Variants in MYOZ2 observed in about 807,000 individuals in gnomAD.
MYOZ2 encodes myozenin-2.
MYOZ2 carries 19 observed loss-of-function variants against 25.4 expected under a neutral mutation model. That is an observed-to-expected ratio of 0.75 (90% CI 0.52 to 1.10). MYOZ2 has a LOEUF of 1.10. Ranked by LOEUF, MYOZ2 falls within the 50% of genes least tolerant of loss-of-function variation. MYOZ2 has a pLI of 0.00. For missense variants in MYOZ2, 270 were observed against 317.9 expected, an observed-to-expected ratio of 0.85 and a Z score of 1.15; for synonymous variants, 92 against 106.9, an observed-to-expected ratio of 0.86 and a Z score of 0.86.
intron 2 of MYOZ2, among the ~76,000 whole-genome samples, chr4:119,136,995 T>G (rs1741042814): frequency 6.6e-6 from 1 of 152,128 alleles, no homozygotes; most frequent in African/African-American, 2.4e-5. Flanking sequence ...ATTATATAAA[T>G]CACTCAAAAT....
intron 2 of MYOZ2, among the ~76,000 whole-genome samples, chr4:119,149,272 G>A (rs372283620): frequency 2.6e-5 from 4 of 152,214 alleles, no homozygotes; most frequent in African/African-American, 7.2e-5. Flanking sequence ...AGGAATGAAA[G>A]TCCCAACTTC....
chr4:119,136,477 A>G lies in MYOZ2; in HGVS notation c.-14-35A>G, dbSNP rs775555473. ...ATAAGACACTCCAAATGAGTTCTTC[A>G]CATTGCCTCAATAATGTCCCTTTGT... On this transcript the variant is annotated intron_variant, in intron 1 of 5. Transcript: ENST00000307128. The G allele has an allele frequency of 5.2e-6, 8 of 1,550,722 alleles. No individual in the cohort carries two copies. In the Admixed American group the frequency reaches 1.3e-4, roughly 26 times the overall value.
Position 119,186,133 on chromosome 4 carries a change from A to C in MYOZ2, c.728A>C (p.Asn243Thr). ...ACTCCTAAGGGATGGATATCTGAGAATATTCCTATAGTGATAACAACCGAA... is the reference window on the plus strand; with the variant it reads ...ACTCCTAAGGGATGGATATCTGAGACTATTCCTATAGTGATAACAACCGAA... The part of the protein sequence containing the change: ...NRTPKGWISE[N>T]IPIVITTEPT... The change falls in exon 6 of 6, where the codon AAT (asparagine) becomes ACT (threonine). Residue 243 changes from asparagine to threonine, a missense_variant. Physicochemically the swap from Asn to Thr is moderately conservative, Grantham distance 65. Transcript: ENST00000307128. 1 of 1,614,008 alleles carries C rather than the reference A, an allele frequency of 6.2e-7. No homozygotes were observed. The highest frequency in any genetic ancestry group is 8.5e-7 in the Non-Finnish European group (1 of 1,179,958).
chr4:119,159,913 T>A (rs1741667967), intron 4 of MYOZ2, among the ~76,000 whole-genome samples: 1 of 152,208 alleles, frequency 6.6e-6, no homozygotes, highest in Admixed American at 6.5e-5. Context: ...TGGATTATTT[T>A]AATGAAGTTC....
chr4:119,153,081 T>C (rs1257033999), intron 3 of MYOZ2, among the ~76,000 whole-genome samples: 1 of 151,666 alleles, frequency 6.6e-6, no homozygotes. Flanking sequence ...TTTTTTGCCT[T>C]TCTGAATTTT....
At chr4:119,136,883 G>C (rs537611241) in intron 2 of MYOZ2, among the ~76,000 whole-genome samples, 2 of 150,314 alleles carry the variant, frequency 1.3e-5, no homozygotes, top group East Asian at 3.9e-4. Context: ...CACATTATAA[G>C]TTAAGATCAC....
chr4:119,181,723 T>C (rs1180985067), intron 5 of MYOZ2, among the ~76,000 whole-genome samples: 2 of 152,198 alleles, frequency 1.3e-5, no homozygotes, highest in African/African-American at 2.4e-5. Flanking sequence ...GAGGAGTATA[T>C]ATGTATTAAA....
chr4:119,185,163 T>C (rs186631156), intron 5 of MYOZ2, among the ~76,000 whole-genome samples: 2 of 148,958 alleles, frequency 1.3e-5, no homozygotes, highest in Middle Eastern at 3.4e-3. Flanking sequence ...TTCCTTTCCC[T>C]TCTCCTTTCC....
At chr4:119,159,139 G>A (rs938898262) in intron 4 of MYOZ2, among the ~76,000 whole-genome samples, 5 of 151,880 alleles carry the variant, frequency 3.3e-5, no homozygotes, top group African/African-American at 4.8e-5. Flanking sequence ...AAAATTACAA[G>A]AGAAAAAAGA....
intron 2 of MYOZ2, among the ~76,000 whole-genome samples, chr4:119,149,233 C>T (rs962616804): frequency 2.0e-5 from 3 of 152,080 alleles, no homozygotes; most frequent in East Asian, 1.9e-4. Context: ...ACTAAGACTG[C>T]GGAGACAAGG....
Position 119,164,120 on chromosome 4 carries a change from A to G in MYOZ2, c.377-91A>G, listed in dbSNP as rs1741766671. The G allele has an allele frequency of 2.9e-5, 36 of 1,245,798 alleles. 1 individual carries two copies. In the Middle Eastern group the frequency reaches 7.5e-4, roughly 26 times the overall value. 77.2% of individuals were successfully genotyped at this position (1,245,798 alleles called of 1,614,324 possible). A position where few individuals can be genotyped will look rare whatever the true frequency, so the allele number is the denominator to read the frequency against. On this transcript the variant is annotated intron_variant, in intron 4 of 5. Coordinates refer to ENST00000307128, the MANE Select transcript of MYOZ2 (RefSeq NM_016599.5). The stretch of plus-strand genomic sequence containing the variant: ...GATGCATGCTTCATAAATTTATCCC[A>G]GCATGAAAAATCAAACATGGTAAAA...
Position 119,169,891 on chromosome 4 carries a change from C to T in MYOZ2, c.560+5497C>T, listed in dbSNP as rs560257973. Among the ~76,000 whole-genome samples, 70 of 152,268 alleles carry T rather than the reference C, an allele frequency of 4.6e-4. 1 individual carries two copies. The highest frequency in any genetic ancestry group is 9.4e-4 in the Non-Finnish European group (64 of 68,010). On this transcript the variant is annotated intron_variant, in intron 5 of 5. Transcript: ENST00000307128. ...AGGCTATCTCCCCTAAATCAAACTG[C>T]CCGCTCTGACAAAAATGAATCCCTT...
chr4:119,156,806 A>G (rs1561115596), intron 3 of MYOZ2, among the ~76,000 whole-genome samples: 3 of 152,164 alleles, frequency 2.0e-5, no homozygotes, highest in Non-Finnish European at 4.4e-5. Context: ...CAAAGGCTCA[A>G]ATTTGGACTA....
At chr4:119,172,261 G>T (rs544416683) in intron 5 of MYOZ2, among the ~76,000 whole-genome samples, 1 of 152,352 alleles carries the variant, frequency 6.6e-6, no homozygotes, top group South Asian at 2.1e-4. Context: ...CAAGACAGGA[G>T]AATTGCGATA....
At position 119,136,404 on chromosome 4, in the gene MYOZ2, A is replaced by G. The variant is rs762277200; in HGVS notation, c.-14-108A>G. ...TGAAGTCTTTCAGTAGCAAGCGATA[A>G]TAACTTTTTAATAAAGAACAAAGAT... On this transcript the variant is annotated intron_variant, in intron 1 of 5. Transcript: ENST00000307128. 21 of 990,498 alleles carry G rather than the reference A, an allele frequency of 2.1e-5. No individual in the cohort carries two copies. The Admixed American group carries it at 2.5e-4, about 12-fold the overall frequency. The allele number at this position is 990,498 out of a possible 1,614,324, so 61.4% of individuals were successfully genotyped here.
In MYOZ2 at chr4:119,146,807, T is replaced by A. The variant is rs138035349; in HGVS notation, c.77-4065T>A. Among the ~76,000 whole-genome samples, 314 of 152,292 alleles carry A rather than the reference T, an allele frequency of 2.1e-3. 2 individuals are homozygous for A. Among genetic ancestry groups the A allele is most frequent in the African/African-American group, 7.1e-3 (296 of 41,564 alleles). On this transcript the variant is annotated intron_variant, in intron 2 of 5. Transcript: ENST00000307128. ...CTAGTTGTTCTATCATCTGCTGAGA[T>A]GGGGGGATTGAAGTTTCCAACTATA...
intron 4 of MYOZ2, among the ~76,000 whole-genome samples, chr4:119,161,986 T>G (rs1741719063): frequency 6.6e-6 from 1 of 152,170 alleles, no homozygotes; most frequent in South Asian, 2.1e-4. Context: ...TTACCTCTGT[T>G]CAACTCCAGG....
intron 2 of MYOZ2, among the ~76,000 whole-genome samples, chr4:119,142,460 A>G (rs573339976): frequency 6.6e-6 from 1 of 152,328 alleles, no homozygotes; most frequent in African/African-American, 2.4e-5. Flanking sequence ...CATGGTCCAA[A>G]CACATAGTGA....
intron 5 of MYOZ2, among the ~76,000 whole-genome samples, chr4:119,170,909 C>T (rs530679334): frequency 6.6e-6 from 1 of 152,136 alleles, no homozygotes; most frequent in East Asian, 1.9e-4. Context: ...TTAAGAAAAT[C>T]TTAAAGCGAA....
Sources: gnomAD v4.1 joint callset for allele counts (sites outside exome capture counted in the v4.1 genomes callset) on GRCh38, gnomAD v4.1.1 for gene constraint, MANE v1.5 for transcripts, NCBI Gene and HGNC (gene_info 2026-07-23, HGNC 2026-07-21) for gene names.